CYP2C18: variants seen among roughly 807,000 people sequenced by gnomAD.
The protein encoded by CYP2C18 is cytochrome P450 2C18.
CYP2C18 carries 38 observed loss-of-function variants against 41.3 expected under a neutral mutation model. The observed-to-expected ratio is 0.92, with a 90% CI of 0.71 to 1.21. The LOEUF (loss-of-function observed/expected upper bound fraction) is 1.21, where lower values mean the gene tolerates loss of function less well. Among genes scored for constraint, CYP2C18 ranks in the 50% most tolerant of loss-of-function variants. The pLI, the probability that CYP2C18 is intolerant of heterozygous loss-of-function variation, is 0.00. For synonymous variants in CYP2C18, 236 were observed against 210.0 expected (o/e 1.12, Z -1.07); for missense variants, 635 against 591.4 (o/e 1.07, Z -0.77).
chr10:94,733,371 C>T lies in CYP2C18; in HGVS notation c.1224C>T (p.Asp408=), dbSNP rs367800235. 2 of 1,613,432 alleles carry T rather than the reference C, an allele frequency of 1.2e-6. No individual in the cohort carries two copies. The highest frequency in any genetic ancestry group is 1.7e-6 in the Non-Finnish European group (2 of 1,179,554). The change falls in exon 8 of 9, where the codon GAC becomes GAT. Residue 408 remains aspartate (D), a synonymous_variant. Transcript: ENST00000285979. ...AATTCCCCAACCCAGAGATGTTTGACCCTGGCCACTTTCTGGATAAGAGTG... is the reference window on the plus strand; with the variant it reads ...AATTCCCCAACCCAGAGATGTTTGATCCTGGCCACTTTCTGGATAAGAGTG... The part of the protein sequence containing the change: ...DKEFPNPEMF[D]PGHFLDKSGN...
chr10:94,699,998 A>G (rs1444839109), intron 4 of CYP2C18, among the ~76,000 whole-genome samples: 1 of 152,238 alleles, frequency 6.6e-6, no homozygotes, highest in Non-Finnish European at 1.5e-5. Context: ...AAATGGAGGA[A>G]CATTTCTTGC....
chr10:94,706,831 T>A lies in CYP2C18; in HGVS notation c.690T>A (p.His230Gln). Residue 230 changes from histidine (H) to glutamine (Q), a missense_variant, in exon 5 of 9, where the codon CAT becomes CAA. Physicochemically the swap from His to Gln is conservative, Grantham distance 24. Coordinates refer to ENST00000285979, the MANE Select transcript of CYP2C18 (RefSeq NM_000772.3). ...TCATCGATTATCTCCCAGGAAGTCATAATAAAATAGCTGAAAATTTTGCTT... is the reference window on the plus strand; with the variant it reads ...TCATCGATTATCTCCCAGGAAGTCAAAATAAAATAGCTGAAAATTTTGCTT... Reference protein sequence around the residue: ...PALIDYLPGSHNKIAENFAYI... With the variant: ...PALIDYLPGSQNKIAENFAYI... The A allele has an allele frequency of 1.9e-6, 3 of 1,607,620 alleles. No individual in the cohort carries two copies. The South Asian group carries it at 3.3e-5, about 18-fold the overall frequency.
chr10:94,697,326 C>T lies in CYP2C18; in HGVS notation c.642+2249C>T, dbSNP rs563436320. ...CTAGAAGAGAATGGGGGCCAATATT[C>T]AACATTCTTAAAGAAAAGAATTTTC... is the stretch of plus-strand genomic sequence containing the variant. On this transcript the variant is annotated intron_variant, in intron 4 of 8. Transcript: ENST00000285979. Among the ~76,000 whole-genome samples the T allele has an allele frequency of 3.9e-5, 6 of 152,312 alleles. No homozygotes were observed. The East Asian group carries it at 1.2e-3, about 29-fold the overall frequency.
intron 3 of CYP2C18, among the ~76,000 whole-genome samples, chr10:94,692,734 C>T (rs559545940): frequency 9.2e-5 from 14 of 152,226 alleles, no homozygotes; most frequent in South Asian, 4.2e-4. Flanking sequence ...ATGTTTATTG[C>T]GGCACTATTC....
At chr10:94,707,901 T>C (rs1847370137) in intron 5 of CYP2C18, among the ~76,000 whole-genome samples, 1 of 152,106 alleles carries the variant, frequency 6.6e-6, no homozygotes, top group Non-Finnish European at 1.5e-5. Flanking sequence ...AGATGGTGAA[T>C]TTGAATAGTG....
intron 3 of CYP2C18, among the ~76,000 whole-genome samples, chr10:94,690,077 C>T (rs1377820566): frequency 2.0e-5 from 3 of 152,042 alleles, no homozygotes; most frequent in African/African-American, 7.2e-5. Context: ...GTGGAGTGCC[C>T]CTCCTTTAGG....
chr10:94,723,464 C>T (rs1437194356), intron 6 of CYP2C18, among the ~76,000 whole-genome samples: 1 of 152,096 alleles, frequency 6.6e-6, no homozygotes, highest in Admixed American at 6.6e-5. Context: ...TGAAACATTT[C>T]TGAGCATTTG....
intron 8 of CYP2C18, 119 bp from the exon 9 acceptor site, chr10:94,735,144 C>A: frequency 1.0e-6 from 1 of 1,002,946 alleles, no homozygotes; most frequent in Non-Finnish European, 1.5e-6. Context: ...TCCTTCCAGT[C>A]ATTCTGCCTT....
At chr10:94,729,861 T>A (rs1175801383) in intron 7 of CYP2C18, among the ~76,000 whole-genome samples, 1 of 152,102 alleles carries the variant, frequency 6.6e-6, no homozygotes, top group African/African-American at 2.4e-5. Context: ...AGAGAAGAGT[T>A]GGGATGCTTC....
intron 5 of CYP2C18, among the ~76,000 whole-genome samples, chr10:94,714,905 G>T (rs62317949): frequency 6.6e-6 from 1 of 152,158 alleles, no homozygotes; most frequent in African/African-American, 2.4e-5. Flanking sequence ...TCCCTTGGAA[G>T]TTGGATTCCT....
intron 1 of CYP2C18, among the ~76,000 whole-genome samples, chr10:94,687,196 C>T (rs1846903519): frequency 6.6e-6 from 1 of 152,188 alleles, no homozygotes; most frequent in African/African-American, 2.4e-5. Flanking sequence ...CACTCTCCTT[C>T]TGTGGTGATT....
Position 94,686,782 on chromosome 10 carries a change from C to G in CYP2C18, c.169-988C>G, listed in dbSNP as rs574390651. Among the ~76,000 whole-genome samples the G allele has an allele frequency of 3.3e-5, 5 of 152,224 alleles. No homozygotes were observed. In the East Asian group the frequency reaches 9.6e-4, roughly 29 times the overall value. On this transcript the variant is annotated intron_variant, in intron 1 of 8. Coordinates refer to ENST00000285979, the MANE Select transcript of CYP2C18 (RefSeq NM_000772.3). ...GCATTTTGCCAGAAGAGAAACATTT[C>G]AAGTGGTAAGGTAGAATCAAAATGA...
intron 4 of CYP2C18, among the ~76,000 whole-genome samples, chr10:94,698,766 G>A (rs1847173459): frequency 2.0e-5 from 3 of 151,300 alleles, no homozygotes; most frequent in African/African-American, 7.3e-5. Flanking sequence ...AGAAGAATCA[G>A]TTAGATGCAA....
At chr10:94,732,427 A>G (rs1010793689) in intron 7 of CYP2C18, among the ~76,000 whole-genome samples, 2 of 152,210 alleles carry the variant, frequency 1.3e-5, no homozygotes, top group Non-Finnish European at 2.9e-5. Context: ...TTCTCAAAGA[A>G]CTTAAAAGAG....
intron 1 of CYP2C18, among the ~76,000 whole-genome samples, chr10:94,685,949 G>C (rs1163811897): frequency 6.6e-6 from 1 of 152,014 alleles, no homozygotes; most frequent in Non-Finnish European, 1.5e-5. Flanking sequence ...AATTTTGATA[G>C]GGATTGCACT....
chr10:94,691,169 A>C (rs375693078), intron 3 of CYP2C18, among the ~76,000 whole-genome samples: 5 of 152,246 alleles, frequency 3.3e-5, no homozygotes, highest in South Asian at 4.2e-4. Context: ...GAAGTTCTGG[A>C]CAGGGCAATC....
At position 94,735,531 on chromosome 10, in the gene CYP2C18, G is replaced by T; in HGVS notation, c.*87G>T. ...ATTGGCCTCTCCCTTCTCTCTGTGA[G>T]GGATATTTTCTCTGACTTGTCAATC... On this transcript the variant is annotated 3_prime_UTR_variant, in exon 9 of 9. Coordinates refer to ENST00000285979, the MANE Select transcript of CYP2C18 (RefSeq NM_000772.3). The T allele has an allele frequency of 7.6e-7, 1 of 1,310,442 alleles. No individual in the cohort carries two copies. Among genetic ancestry groups the T allele is most frequent in the South Asian group, 1.3e-5 (1 of 78,114 alleles). 81.2% of individuals were successfully genotyped at this position (1,310,442 alleles called of 1,614,324 possible).
intron 4 of CYP2C18, among the ~76,000 whole-genome samples, chr10:94,696,228 C>T (rs1847114504): frequency 1.3e-5 from 2 of 152,260 alleles, no homozygotes; most frequent in South Asian, 4.1e-4. Flanking sequence ...GGGAGGCACA[C>T]CCCAGTAGGG....
chr10:94,711,379 A>G (rs997648310), intron 5 of CYP2C18, among the ~76,000 whole-genome samples: 2 of 152,086 alleles, frequency 1.3e-5, no homozygotes, highest in African/African-American at 2.4e-5. Context: ...CGAGTTCATA[A>G]TGAGTCTGCA....
Sources: gnomAD v4.1 joint callset for allele counts (sites outside exome capture counted in the v4.1 genomes callset) on GRCh38, gnomAD v4.1.1 for gene constraint, MANE v1.5 for transcripts, NCBI Gene and HGNC (gene_info 2026-07-23, HGNC 2026-07-21) for gene names.